Variants in RB1CC1 observed in about 807,000 individuals in gnomAD.
RB1CC1 encodes RB1-inducible coiled-coil protein 1.
RB1CC1 carries 46 observed loss-of-function variants against 177.5 expected under a neutral mutation model. That is an observed-to-expected ratio of 0.26 (90% CI 0.20 to 0.33). The LOEUF (loss-of-function observed/expected upper bound fraction) is 0.33. Among genes scored for constraint, RB1CC1 ranks in the 10% least tolerant of loss-of-function variants. RB1CC1 has a pLI of 1.00. For missense variants in RB1CC1, 1,703 were observed against 1,816.3 expected (o/e 0.94, Z 1.13); for synonymous variants, 666 against 613.6 (o/e 1.09, Z -1.26).
intron 1 of RB1CC1, among the ~76,000 whole-genome samples, chr8:52,690,876 A>G (rs1303357024): frequency 1.3e-5 from 2 of 152,182 alleles, no homozygotes; most frequent in African/African-American, 4.8e-5. Context: ...ACACAGGGAT[A>G]TATTTTTTCC....
chr8:52,682,238 G>A (rs1853819469), intron 5 of RB1CC1, among the ~76,000 whole-genome samples: 1 of 152,138 alleles, frequency 6.6e-6, no homozygotes, highest in Admixed American at 6.5e-5. Flanking sequence ...CTGCCATGCT[G>A]GATTTCGAAC....
intron 18 of RB1CC1, among the ~76,000 whole-genome samples, chr8:52,637,740 C>T (rs1432767604): frequency 6.6e-6 from 1 of 151,856 alleles, no homozygotes; most frequent in South Asian, 2.1e-4. Context: ...AGGGCAGGGT[C>T]GCAATCTGCA....
intron 7 of RB1CC1, among the ~76,000 whole-genome samples, chr8:52,670,385 T>C (rs1334596751): frequency 2.6e-5 from 4 of 152,344 alleles, no homozygotes; most frequent in South Asian, 2.1e-4. Flanking sequence ...CAGTCAGTGA[T>C]ACATTAATTT....
rs576463638 is a variant in RB1CC1 at position 52,688,456 on chromosome 8, T to C, written c.-166-1489A>G. On this transcript the variant is annotated intron_variant, in intron 1 of 23. Coordinates refer to ENST00000025008, the MANE Select transcript of RB1CC1 (RefSeq NM_014781.5). ...AGGACTGAGATACACCCTGGTCTCC[T>C]GCAGTACCCTCAGGCTTACTACGGT... Among the ~76,000 whole-genome samples, 3 of 152,280 alleles carry C rather than the reference T, an allele frequency of 2.0e-5. No homozygotes were observed. The East Asian group carries it at 5.8e-4, about 29-fold the overall frequency.
rs573820072 is a variant in RB1CC1 at position 52,623,927 on chromosome 8, C to A, written c.4708-68G>T. 5 of 1,006,558 alleles carry A rather than the reference C, an allele frequency of 5.0e-6. No homozygotes were observed. The African/African-American group carries it at 8.1e-5, about 16-fold the overall frequency. 62.4% of individuals were successfully genotyped at this position (1,006,558 alleles called of 1,614,324 possible). ...CACATCTCTCTCTCTCACACACACA[C>A]ACACACACCCAAAAAACAAAAAGAA... On this transcript the variant is annotated intron_variant, in intron 23 of 23. Coordinates refer to ENST00000025008, the MANE Select transcript of RB1CC1 (RefSeq NM_014781.5).
In RB1CC1 at chr8:52,630,563, A is replaced by G. The variant is rs773054642; in HGVS notation, c.4441-35T>C. ...AAAAAAAAGTTTATGAACTTACACA[A>G]TTTGAGTACCACATGCATTCTTACT... On this transcript the variant is annotated intron_variant, in intron 20 of 23. Transcript: ENST00000025008. The G allele has an allele frequency of 5.9e-6, 9 of 1,533,406 alleles. No individual in the cohort carries two copies. The Admixed American group carries it at 2.1e-4, about 35-fold the overall frequency. 95.0% of individuals were successfully genotyped at this position (1,533,406 alleles called of 1,614,324 possible).
intron 7 of RB1CC1, among the ~76,000 whole-genome samples, chr8:52,672,498 T>C (rs1020591977): frequency 1.1e-4 from 16 of 152,248 alleles, no homozygotes; most frequent in Admixed American, 8.5e-4. Context: ...ATCCCAGCAC[T>C]TTGGAAGGCT....
chr8:52,704,088 C>A, intron 1 of RB1CC1, among the ~76,000 whole-genome samples: 1 of 152,042 alleles, frequency 6.6e-6, no homozygotes, highest in Admixed American at 6.6e-5. Flanking sequence ...CATATTTGGT[C>A]ACCCTGAAAT....
chr8:52,637,289 CTAAG>C (rs1849218312), intron 18 of RB1CC1, among the ~76,000 whole-genome samples: 1 of 152,152 alleles, frequency 6.6e-6, no homozygotes, highest in Non-Finnish European at 1.5e-5. Context: ...AAATCTATTC[CTAAG>C]TATTTTTACC....
chr8:52,657,539 G>T lies in RB1CC1; in HGVS notation c.2290C>A (p.Leu764Ile). 6.2e-7 allele frequency: 1 copy of T among 1,614,004 alleles called. No individual in the cohort carries two copies. Among genetic ancestry groups the T allele is most frequent in the Non-Finnish European group, 8.5e-7 (1 of 1,180,016 alleles). Residue 764 changes from leucine to isoleucine, a missense_variant, in exon 15 of 24, where the codon CTT (leucine) becomes ATT (isoleucine). Coordinates refer to ENST00000025008, the MANE Select transcript of RB1CC1 (RefSeq NM_014781.5). ...PQSPEMMVESLYSSVINAIDS... is the reference protein window; with the variant it reads ...PQSPEMMVESIYSSVINAIDS... ...ATCGCATTGATAACTGATGAATAAA[G>T]TGATTCCACCATCATTTCTGGGCTT...
At chr8:52,685,242 G>C (rs1415375725) in intron 3 of RB1CC1, among the ~76,000 whole-genome samples, 157 bp downstream of exon 3, 1 of 152,004 alleles carries the variant, frequency 6.6e-6, no homozygotes, top group Non-Finnish European at 1.5e-5. Context: ...TTGACCTCGT[G>C]ATCCGCCCGC....
chr8:52,681,415 T>G (rs1196830045), intron 5 of RB1CC1, among the ~76,000 whole-genome samples: 1 of 152,178 alleles, frequency 6.6e-6, no homozygotes, highest in Non-Finnish European at 1.5e-5. Flanking sequence ...ACCAATAAGG[T>G]AAATGAGTAA....
intron 7 of RB1CC1, among the ~76,000 whole-genome samples, chr8:52,669,910 T>C (rs760684682): frequency 3.9e-5 from 6 of 152,142 alleles, no homozygotes; most frequent in Non-Finnish European, 7.4e-5. Context: ...CTGACAAACA[T>C]AGGAGAGTAT....
intron 8 of RB1CC1, 54 bp from the exon 9 acceptor site, chr8:52,661,773 G>T: frequency 7.5e-7 from 1 of 1,332,880 alleles, no homozygotes; most frequent in Non-Finnish European, 1.0e-6. Flanking sequence ...TGAAAGGTAT[G>T]GACATTCAGT....
Position 52,636,001 on chromosome 8 carries a change from G to T in RB1CC1, c.4392+14C>A, listed in dbSNP as rs1219851808. 1.2e-6 allele frequency: 2 copies of T among 1,605,248 alleles called. No individual in the cohort carries two copies. Among genetic ancestry groups the T allele is most frequent in the Admixed American group, 1.7e-5 (1 of 58,236 alleles). On this transcript the variant is annotated intron_variant, in intron 19 of 23. Coordinates refer to ENST00000025008, the MANE Select transcript of RB1CC1 (RefSeq NM_014781.5). Reference sequence around the variant, plus strand: ...CATATTAAACATGGTACTTCAAGAAGATAATTTACTTACTCGTTCTAACAG... The same window carrying T: ...CATATTAAACATGGTACTTCAAGAATATAATTTACTTACTCGTTCTAACAG...
intron 1 of RB1CC1, among the ~76,000 whole-genome samples, chr8:52,712,496 C>CAA (rs5891479): frequency 0.02 from 1,973 of 100,024 alleles, 54 homozygotes; most frequent in South Asian, 0.063. Flanking sequence ...CAGCAAGAGC[C>CAA]AAAAAAAAAA....
At chr8:52,678,184 T>C (rs1021759912) in intron 5 of RB1CC1, among the ~76,000 whole-genome samples, 2 of 152,100 alleles carry the variant, frequency 1.3e-5, no homozygotes, top group African/African-American at 4.8e-5. Flanking sequence ...TTTGGGAGGC[T>C]GAGGCGGGCG....
At chr8:52,632,565 T>C (rs967485221) in intron 20 of RB1CC1, among the ~76,000 whole-genome samples, 1 of 152,176 alleles carries the variant, frequency 6.6e-6, no homozygotes. Context: ...ATGAAGACAA[T>C]GGAAGAAAAA....
chr8:52,654,162 C>T (rs1374322419), intron 15 of RB1CC1, among the ~76,000 whole-genome samples: 1 of 152,124 alleles, frequency 6.6e-6, no homozygotes, highest in Admixed American at 6.5e-5. Context: ...TTTTAAGTGT[C>T]TTTATTTGGA....
Sources: gnomAD v4.1 joint callset for allele counts (sites outside exome capture counted in the v4.1 genomes callset) on GRCh38, gnomAD v4.1.1 for gene constraint, MANE v1.5 for transcripts, NCBI Gene and HGNC (gene_info 2026-07-23, HGNC 2026-07-21) for gene names.